Variants in AGPAT4 observed in about 807,000 individuals in gnomAD.
AGPAT4 encodes 1-acyl-sn-glycerol-3-phosphate acyltransferase delta.
In AGPAT4, 15 loss-of-function variants were observed where a neutral mutation model predicts 48.0. That is an observed-to-expected ratio of 0.31 (90% CI 0.21 to 0.48). The LOEUF is 0.48. AGPAT4 is among the 20% of genes least tolerant of loss of function. AGPAT4 has a pLI of 0.99. For synonymous variants in AGPAT4, 178 were observed against 198.7 expected (o/e 0.90, Z 0.88); for missense variants, 314 against 482.5 (o/e 0.65, Z 3.27).
Position 161,196,104 on chromosome 6 carries a change from T to C in AGPAT4, c.179-29687A>G, listed in dbSNP as rs1196386068. ...CCATCCCAAGACAGAAATATAACCC[T>C]GACCTCTTTCTAGAATGGTGTGGTT... On this transcript the variant is annotated intron_variant, in intron 2 of 8. Coordinates refer to ENST00000320285, the MANE Select transcript of AGPAT4 (RefSeq NM_020133.3). This position sits in a 1 kb window ranked among gnomAD's most constrained non-coding sequence, Gnocchi z 4.3. Among the ~76,000 whole-genome samples the C allele has an allele frequency of 2.0e-5, 3 of 152,174 alleles. No homozygotes were observed. The highest frequency in any genetic ancestry group is 7.2e-5 in the African/African-American group (3 of 41,440).
At position 161,130,628 on chromosome 6, in the gene AGPAT4, C is replaced by CTTGA. The variant is rs1778869730; in HGVS notation, c.*5908_*5911dup. The CTTGA allele has an allele frequency of 1.1e-5, 3 of 266,494 alleles. No individual in the cohort carries two copies. In the East Asian group the frequency reaches 2.5e-4, roughly 22 times the overall value. The allele number at this position is 266,494 out of a possible 1,614,324, so 16.5% of individuals were successfully genotyped here. A position where few individuals can be genotyped will look rare whatever the true frequency, so the allele number is the denominator to read the frequency against. Reference sequence around the variant, plus strand: ...CCTTGCCCATGGTTAGATCTCTTTCCTTGATAGAACAAGCAAAAGAGGGGC... The same window carrying CTTGA: ...CCTTGCCCATGGTTAGATCTCTTTCCTTGATTGATAGAACAAGCAAAAGAGGGGC... On this transcript the variant is annotated 3_prime_UTR_variant, in exon 9 of 9. Coordinates refer to ENST00000320285, the MANE Select transcript of AGPAT4 (RefSeq NM_020133.3).
Position 161,147,682 on chromosome 6 carries a change from C to T in AGPAT4, c.768-1083G>A, listed in dbSNP as rs571007475. Reference sequence around the variant, plus strand: ...TATTCTTTCACCTTTTCTGTTCCTACGCACACTGCACTTCTCTGGATCCTC... The same window carrying T: ...TATTCTTTCACCTTTTCTGTTCCTATGCACACTGCACTTCTCTGGATCCTC... On this transcript the variant is annotated intron_variant, in intron 6 of 8. Transcript: ENST00000320285. This position sits in a 1 kb window ranked among gnomAD's most constrained non-coding sequence, Gnocchi z 4.8. Among the ~76,000 whole-genome samples the T allele has an allele frequency of 1.3e-5, 2 of 152,206 alleles. No homozygotes were observed. Among genetic ancestry groups the T allele is most frequent in the African/African-American group, 4.8e-5 (2 of 41,448 alleles).
Position 161,236,214 on chromosome 6 carries a change from T to TA in AGPAT4, c.-89-3913dup, listed in dbSNP as rs1462150609. Among the ~76,000 whole-genome samples, 1 of 152,012 alleles carries TA rather than the reference T, an allele frequency of 6.6e-6. No homozygotes were observed. The highest frequency in any genetic ancestry group is 1.5e-5 in the Non-Finnish European group (1 of 68,002). On this transcript the variant is annotated intron_variant, in intron 1 of 8. Coordinates refer to ENST00000320285, the MANE Select transcript of AGPAT4 (RefSeq NM_020133.3). The surrounding 1 kb of genome is among the most constrained non-coding windows in gnomAD (Gnocchi z 5.0). ...TTTCTGAGCATATCAGAGCGCTACTTACAGAGTTTCTAAATCAACAGAGAA... is the reference window on the plus strand; with the variant it reads ...TTTCTGAGCATATCAGAGCGCTACTTAACAGAGTTTCTAAATCAACAGAGAA...
In AGPAT4 at chr6:161,246,379, T is replaced by C. The variant is rs1290039891; in HGVS notation, c.-89-14077A>G. Among the ~76,000 whole-genome samples the C allele has an allele frequency of 6.6e-6, 1 of 152,180 alleles. No individual in the cohort carries two copies. Among genetic ancestry groups the C allele is most frequent in the Admixed American group, 6.5e-5 (1 of 15,274 alleles). ...ATTTAAGTTCTACTATATACTAACA[T>C]TGCATTAGACTTCTGAGCATAGGCA... On this transcript the variant is annotated intron_variant, in intron 1 of 8. Coordinates refer to ENST00000320285, the MANE Select transcript of AGPAT4 (RefSeq NM_020133.3). This position sits in a 1 kb window ranked among gnomAD's most constrained non-coding sequence, Gnocchi z 5.5.
At position 161,255,250 on chromosome 6, in the gene AGPAT4, C is replaced by G. The variant is rs1190223499; in HGVS notation, c.-90+18688G>C. Among the ~76,000 whole-genome samples the G allele has an allele frequency of 6.6e-6, 1 of 152,226 alleles. No individual in the cohort carries two copies. The highest frequency in any genetic ancestry group is 6.5e-5 in the Admixed American group (1 of 15,284). The stretch of plus-strand genomic sequence containing the variant: ...TTGGATTTGAAAGTCCGAGACCCCT[C>G]TGCAAAATACCATTGCTTCTTTCGC... On this transcript the variant is annotated intron_variant, in intron 1 of 8. Transcript: ENST00000320285. The surrounding 1 kb of genome is among the most constrained non-coding windows in gnomAD (Gnocchi z 4.7).
In AGPAT4 at chr6:161,236,004, G is replaced by A. The variant is rs534567212; in HGVS notation, c.-89-3702C>T. Among the ~76,000 whole-genome samples the A allele has an allele frequency of 5.3e-5, 8 of 152,286 alleles. No individual in the cohort carries two copies. In the South Asian group the frequency reaches 6.2e-4, roughly 12 times the overall value. The stretch of plus-strand genomic sequence containing the variant: ...CAATTAGCCAATTTCATGTCATGCC[G>A]AGGAAAGATGGTATAAATATCTGGC... On this transcript the variant is annotated intron_variant, in intron 1 of 8. Transcript: ENST00000320285. This position sits in a 1 kb window ranked among gnomAD's most constrained non-coding sequence, Gnocchi z 5.0.
At position 161,166,726 on chromosome 6, in the gene AGPAT4, T is replaced by C. The variant is rs1166235304; in HGVS notation, c.179-309A>G. On this transcript the variant is annotated intron_variant, in intron 2 of 8. Transcript: ENST00000320285. The surrounding 1 kb of genome is among the most constrained non-coding windows in gnomAD (Gnocchi z 6.7). The stretch of plus-strand genomic sequence containing the variant: ...CAGAATCCGTCAAGAATTCATGCCC[T>C]TGTGTTTACAGAGCTCTGAAAGGCA... 6.6e-6 allele frequency among the ~76,000 whole-genome samples: 1 copy of C among 152,218 alleles called. No homozygotes were observed. The highest frequency in any genetic ancestry group is 1.9e-4 in the East Asian group (1 of 5,184).
rs1781871470 is a variant in AGPAT4, at chr6:161,222,928, A to C, written c.178+9108T>G. The stretch of plus-strand genomic sequence containing the variant: ...ACCCATTTAGCCACTTGGTGATGCC[A>C]GCATATGCTCCTGCCACCTACTGAA... On this transcript the variant is annotated intron_variant, in intron 2 of 8. Coordinates refer to ENST00000320285, the MANE Select transcript of AGPAT4 (RefSeq NM_020133.3). This position sits in a 1 kb window ranked among gnomAD's most constrained non-coding sequence, Gnocchi z 5.9. 6.6e-6 allele frequency among the ~76,000 whole-genome samples: 1 copy of C among 152,150 alleles called. No individual in the cohort carries two copies.
At position 161,221,608 on chromosome 6, in the gene AGPAT4, G is replaced by A. The variant is rs1781837013; in HGVS notation, c.178+10428C>T. Among the ~76,000 whole-genome samples the A allele has an allele frequency of 6.6e-6, 1 of 152,088 alleles. No individual in the cohort carries two copies. The highest frequency in any genetic ancestry group is 2.4e-5 in the African/African-American group (1 of 41,408). ...AACGCAGACTGGATTCATTTCCTGG[G>A]GCTGCCAAAGGACCACAGACTGGGG... On this transcript the variant is annotated intron_variant, in intron 2 of 8. Transcript: ENST00000320285. The surrounding 1 kb of genome is among the most constrained non-coding windows in gnomAD (Gnocchi z 4.5).
In AGPAT4 at chr6:161,200,637, A is replaced by T. The variant is rs1781214478; in HGVS notation, c.178+31399T>A. Reference sequence around the variant, plus strand: ...ATTGGCACCTCTTCTTTTCTTCAATAATCATATTTACTATGTTGACTAGGG... The same window carrying T: ...ATTGGCACCTCTTCTTTTCTTCAATTATCATATTTACTATGTTGACTAGGG... On this transcript the variant is annotated intron_variant, in intron 2 of 8. Transcript: ENST00000320285. This position sits in a 1 kb window ranked among gnomAD's most constrained non-coding sequence, Gnocchi z 5.5. Among the ~76,000 whole-genome samples the T allele has an allele frequency of 6.6e-6, 1 of 152,144 alleles. No individual in the cohort carries two copies.
At chr6:161,257,754 G>A (rs1357906150) in intron 1 of AGPAT4, among the ~76,000 whole-genome samples, 1 of 152,048 alleles carries the variant, frequency 6.6e-6, no homozygotes, top group African/African-American at 2.4e-5. Context: ...GAAAAAAAAA[G>A]GAAAGACAGC....
At position 161,144,980 on chromosome 6, in the gene AGPAT4, CA is replaced by C. The variant is rs1230456209; in HGVS notation, c.843+1543del. Among the ~76,000 whole-genome samples, 17 of 144,478 alleles carry C rather than the reference CA, an allele frequency of 1.2e-4. No individual in the cohort carries two copies. The highest frequency in any genetic ancestry group is 2.2e-4 in the South Asian group (1 of 4,630). 94.8% of individuals were successfully genotyped at this position (144,478 alleles called of 152,430 possible). A position where few individuals can be genotyped will look rare whatever the true frequency, so the allele number is the denominator to read the frequency against. On this transcript the variant is annotated intron_variant, in intron 7 of 8. Transcript: ENST00000320285. This position sits in a 1 kb window ranked among gnomAD's most constrained non-coding sequence, Gnocchi z 6.6. The stretch of plus-strand genomic sequence containing the variant: ...TGGGAGACAGAGTGAAACTCAGTCT[CA>C]AAAAAAAAAAATAAAAAAAGTAACA...
In AGPAT4 at chr6:161,233,134, CACACACACACA is replaced by C. The variant is rs1473292977; in HGVS notation, c.-89-843_-89-833del. Among the ~76,000 whole-genome samples, 4 of 146,548 alleles carry C rather than the reference CACACACACACA, an allele frequency of 2.7e-5. No homozygotes were observed. The highest frequency in any genetic ancestry group is 1.3e-4 in the Admixed American group (2 of 14,922). ...CCACACACACACACACACACACACACACACACACACAGATACACACATCCTTAAGTGTTCTC... is the reference window on the plus strand; with the variant it reads ...CCACACACACACACACACACACACACGATACACACATCCTTAAGTGTTCTC... On this transcript the variant is annotated intron_variant, in intron 1 of 8. Transcript: ENST00000320285. This position sits in a 1 kb window ranked among gnomAD's most constrained non-coding sequence, Gnocchi z 5.4.
At position 161,130,618 on chromosome 6, in the gene AGPAT4, G is replaced by C. The variant is rs527694995; in HGVS notation, c.*5922C>G. 1.3e-4 allele frequency: 35 copies of C among 260,430 alleles called. No individual in the cohort carries two copies. Among genetic ancestry groups the C allele is most frequent in the African/African-American group, 7.4e-4 (34 of 45,740 alleles). The allele number at this position is 260,430 out of a possible 1,614,324, so 16.1% of individuals were successfully genotyped here. On this transcript the variant is annotated 3_prime_UTR_variant, in exon 9 of 9. Transcript: ENST00000320285. ...TGTGTTCCACCCTTGCCCATGGTTA[G>C]ATCTCTTTCCTTGATAGAACAAGCA...
chr6:161,175,667 G>A (rs905880430), intron 2 of AGPAT4, among the ~76,000 whole-genome samples: 7 of 151,952 alleles, frequency 4.6e-5, no homozygotes, highest in African/African-American at 1.2e-4. Context: ...GTTATTTCTT[G>A]TCTTCTGCTA....
rs558131638 is a variant in AGPAT4 at position 161,178,017 on chromosome 6, G to A, written c.179-11600C>T. On this transcript the variant is annotated intron_variant, in intron 2 of 8. Transcript: ENST00000320285. This position sits in a 1 kb window ranked among gnomAD's most constrained non-coding sequence, Gnocchi z 5.1. ...GCCTGATCCTTCCTCTGAAAGCTTC[G>A]TCTCAGAGGGGCACCTGACTGTATG... Among the ~76,000 whole-genome samples the A allele has an allele frequency of 8.5e-5, 13 of 152,286 alleles. No individual in the cohort carries two copies. Among genetic ancestry groups the A allele is most frequent in the South Asian group, 2.1e-4 (1 of 4,820 alleles).
intron 1 of AGPAT4, among the ~76,000 whole-genome samples, chr6:161,256,320 G>A (rs1170519894): frequency 1.3e-5 from 2 of 152,188 alleles, no homozygotes; most frequent in African/African-American, 2.4e-5. Context: ...GCATGGTGAC[G>A]GCAGCGACCG....
At position 161,178,247 on chromosome 6, in the gene AGPAT4, G is replaced by A. The variant is rs1388810697; in HGVS notation, c.179-11830C>T. Among the ~76,000 whole-genome samples the A allele has an allele frequency of 6.6e-6, 1 of 152,172 alleles. No homozygotes were observed. The highest frequency in any genetic ancestry group is 2.4e-5 in the African/African-American group (1 of 41,440). On this transcript the variant is annotated intron_variant, in intron 2 of 8. Coordinates refer to ENST00000320285, the MANE Select transcript of AGPAT4 (RefSeq NM_020133.3). The surrounding 1 kb of genome is among the most constrained non-coding windows in gnomAD (Gnocchi z 5.1). ...GCCCCCAGAGGTGGAGTCTACAGAG[G>A]CATGCAGGCCTCCTTGAGCTGCGGT... is the stretch of plus-strand genomic sequence containing the variant.
In AGPAT4 at chr6:161,266,013, T is replaced by C. The variant is rs1482763501; in HGVS notation, c.-90+7925A>G. 6.6e-6 allele frequency among the ~76,000 whole-genome samples: 1 copy of C among 152,208 alleles called. No individual in the cohort carries two copies. The highest frequency in any genetic ancestry group is 2.4e-5 in the African/African-American group (1 of 41,460). On this transcript the variant is annotated intron_variant, in intron 1 of 8. Coordinates refer to ENST00000320285, the MANE Select transcript of AGPAT4 (RefSeq NM_020133.3). This position sits in a 1 kb window ranked among gnomAD's most constrained non-coding sequence, Gnocchi z 6.2. ...GTTTGCTTTGATCGGACCAACCGGA[T>C]TCCTGAGTGTACCTGACAGAGCCGG...
Sources: gnomAD v4.1 joint callset for allele counts (sites outside exome capture counted in the v4.1 genomes callset) on GRCh38, gnomAD v4.1.1 for gene constraint, Gnocchi (gnomAD v3.1) non-coding constraint, MANE v1.5 for transcripts, NCBI Gene and HGNC (gene_info 2026-07-23, HGNC 2026-07-21) for gene names.